SPIDR: variants seen among roughly 807,000 people sequenced by gnomAD.
The protein encoded by SPIDR is DNA repair-scaffolding protein.
In SPIDR, 93 loss-of-function variants were observed where a neutral mutation model predicts 104.6. The observed-to-expected ratio is 0.89, with a 90% CI of 0.75 to 1.06. SPIDR has a LOEUF of 1.06. Ranked by LOEUF, SPIDR falls within the 50% of genes least tolerant of loss-of-function variation. SPIDR has a pLI of 0.00. For synonymous variants in SPIDR, 431 were observed against 416.9 expected, an observed-to-expected ratio of 1.03 and a Z score of -0.41; for missense variants, 1,154 against 1,111.2, an observed-to-expected ratio of 1.04 and a Z score of -0.55.
intron 8 of SPIDR, among the ~76,000 whole-genome samples, chr8:47,594,355 A>G (rs192010365): frequency 9.9e-5 from 15 of 152,010 alleles, no homozygotes; most frequent in African/African-American, 3.6e-4. Flanking sequence ...CGACAGAGTA[A>G]GACTCCATCT....
In SPIDR at chr8:47,735,655, A is replaced by AT; in HGVS notation, c.*209dup. On this transcript the variant is annotated 3_prime_UTR_variant, in exon 20 of 20. Coordinates refer to ENST00000297423, the MANE Select transcript of SPIDR (RefSeq NM_001080394.4). The stretch of plus-strand genomic sequence containing the variant: ...TACCTTTTTCTACAGTTTATCTTTT[A>AT]TTTTCTGCAAATTTAGGAACATATT... The AT allele has an allele frequency of 2.8e-6, 3 of 1,068,610 alleles. No homozygotes were observed. Among genetic ancestry groups the AT allele is most frequent in the Non-Finnish European group, 3.9e-6 (3 of 770,140 alleles). 66.2% of individuals were successfully genotyped at this position (1,068,610 alleles called of 1,614,324 possible).
At chr8:47,413,310 C>G (rs1051165510) in intron 7 of SPIDR, among the ~76,000 whole-genome samples, 1 of 152,178 alleles carries the variant, frequency 6.6e-6, no homozygotes, top group Non-Finnish European at 1.5e-5. Flanking sequence ...CATTCCAGTC[C>G]AAGCTCCTCT....
At chr8:47,680,298 A>T (rs1045759730) in intron 11 of SPIDR, among the ~76,000 whole-genome samples, 15 of 152,184 alleles carry the variant, frequency 9.9e-5, no homozygotes, top group African/African-American at 3.6e-4. Flanking sequence ...CTCAATGTCC[A>T]CCCAGTCTTA....
At chr8:47,359,654 A>G (rs1481256449) in intron 5 of SPIDR, among the ~76,000 whole-genome samples, 1 of 152,156 alleles carries the variant, frequency 6.6e-6, no homozygotes, top group Admixed American at 6.5e-5. Flanking sequence ...ATTGTGCCCT[A>G]TAGAGTTTGT....
At chr8:47,669,430 C>T (rs968091514) in intron 10 of SPIDR, among the ~76,000 whole-genome samples, 1 of 152,168 alleles carries the variant, frequency 6.6e-6, no homozygotes, top group Non-Finnish European at 1.5e-5. Context: ...CAGCCTGCCT[C>T]TGAGCTGCAG....
At chr8:47,697,171 C>T (rs1418856803) in intron 11 of SPIDR, among the ~76,000 whole-genome samples, 7 of 151,664 alleles carry the variant, frequency 4.6e-5, no homozygotes, top group Non-Finnish European at 8.8e-5. Flanking sequence ...CGTGACATGT[C>T]GGGGTGGCCT....
chr8:47,293,425 T>C (rs1275144381), intron 4 of SPIDR, among the ~76,000 whole-genome samples: 1 of 152,158 alleles, frequency 6.6e-6, no homozygotes, highest in East Asian at 1.9e-4. Flanking sequence ...TGATTTGAGA[T>C]AAGAGTAGAA....
intron 7 of SPIDR, among the ~76,000 whole-genome samples, chr8:47,428,822 G>A (rs1384507414): frequency 6.6e-6 from 1 of 152,198 alleles, no homozygotes; most frequent in African/African-American, 2.4e-5. Context: ...GGCCAGAGAG[G>A]TTTTGCTTCT....
chr8:47,650,155 A>G (rs559566761), intron 10 of SPIDR, among the ~76,000 whole-genome samples: 3 of 152,332 alleles, frequency 2.0e-5, no homozygotes, highest in Admixed American at 1.3e-4. Context: ...GAAAAGAGGA[A>G]GTCAAACTGT....
intron 8 of SPIDR, among the ~76,000 whole-genome samples, chr8:47,494,257 G>A (rs1220008693): frequency 6.6e-6 from 1 of 151,618 alleles, no homozygotes; most frequent in African/African-American, 2.4e-5. Flanking sequence ...TAATTAGCTG[G>A]GACTACAAGT....
intron 5 of SPIDR, among the ~76,000 whole-genome samples, chr8:47,349,190 T>G (rs1487743170): frequency 6.6e-6 from 1 of 152,236 alleles, no homozygotes; most frequent in Non-Finnish European, 1.5e-5. Context: ...TTGTTGGTTT[T>G]CCTTCTAACA....
At chr8:47,287,558 T>C (rs1044823665) in intron 3 of SPIDR, among the ~76,000 whole-genome samples, 2 of 152,266 alleles carry the variant, frequency 1.3e-5, no homozygotes, top group South Asian at 2.1e-4. Flanking sequence ...CCCCCAGGAA[T>C]GCATTCCTTC....
At chr8:47,576,713 C>T (rs2059171116) in intron 8 of SPIDR, among the ~76,000 whole-genome samples, 1 of 152,244 alleles carries the variant, frequency 6.6e-6, no homozygotes, top group Non-Finnish European at 1.5e-5. Context: ...GGATTACAGG[C>T]ATGAGCCACC....
intron 10 of SPIDR, among the ~76,000 whole-genome samples, chr8:47,642,218 TCAAGACCA>T (rs2069182491): frequency 6.6e-6 from 1 of 151,480 alleles, no homozygotes; most frequent in African/African-American, 2.4e-5. Flanking sequence ...AGTAAGGAGA[TCAAGACCA>T]TCCTGGCTAA....
rs375029914 is a variant in SPIDR at position 47,423,739 on chromosome 8, T to A, written c.877+15778T>A. ...CCAGATCATGCAGGGCCTGGAGGCC[T>A]TGGCTGGGTTTCACTTCCAAGGTAG... On this transcript the variant is annotated intron_variant, in intron 7 of 19. Coordinates refer to ENST00000297423, the MANE Select transcript of SPIDR (RefSeq NM_001080394.4). 1.3e-4 allele frequency among the ~76,000 whole-genome samples: 20 copies of A among 152,338 alleles called. No individual in the cohort carries two copies. In the East Asian group the frequency reaches 3.1e-3, roughly 24 times the overall value.
At chr8:47,661,237 A>G (rs748075491) in intron 10 of SPIDR, among the ~76,000 whole-genome samples, 12 of 152,308 alleles carry the variant, frequency 7.9e-5, no homozygotes, top group African/African-American at 1.7e-4. Flanking sequence ...CTAAACACAC[A>G]TGTCCTACTT....
At position 47,673,783 on chromosome 8, in the gene SPIDR, G is replaced by A. The variant is rs1408800574; in HGVS notation, c.1545-18G>A. ...CCAAACTGCCTCCTCAAAGACAAAT[G>A]TGAATGGTTTTTTACAGAGCCTGCC... On this transcript the variant is annotated intron_variant, in intron 10 of 19. Coordinates refer to ENST00000297423, the MANE Select transcript of SPIDR (RefSeq NM_001080394.4). 2 of 1,614,026 alleles carry A rather than the reference G, an allele frequency of 1.2e-6. No homozygotes were observed. Among genetic ancestry groups the A allele is most frequent in the Non-Finnish European group, 8.5e-7 (1 of 1,179,974 alleles).
At chr8:47,585,178 A>T (rs879572195) in intron 8 of SPIDR, among the ~76,000 whole-genome samples, 3 of 152,236 alleles carry the variant, frequency 2.0e-5, no homozygotes, top group Non-Finnish European at 4.4e-5. Flanking sequence ...TGAAGTTAAA[A>T]ATAAGCATTT....
intron 6 of SPIDR, among the ~76,000 whole-genome samples, chr8:47,403,672 A>G (rs1397292148): frequency 6.6e-6 from 1 of 152,226 alleles, no homozygotes; most frequent in East Asian, 1.9e-4. Flanking sequence ...TTCAAGGAGA[A>G]CTATAAACCA....
Sources: allele counts gnomAD v4.1 joint callset (sites outside exome capture counted in the v4.1 genomes callset), GRCh38; gene constraint gnomAD v4.1.1; transcripts MANE v1.5; gene names NCBI Gene and HGNC (gene_info 2026-07-23, HGNC 2026-07-21).